EIF3H: variants seen among roughly 807,000 people sequenced by gnomAD.
EIF3H encodes the protein eIF-3-gamma.
A neutral mutation model predicts 44.2 loss-of-function variants in EIF3H; 26 were observed. The ratio of observed to expected loss-of-function variants is 0.59; its 90% CI spans 0.43 to 0.82. EIF3H has a LOEUF of 0.82. EIF3H is among the 40% of genes least tolerant of loss of function. The probability of loss-of-function intolerance (pLI) is 0.00; values close to 1 mark genes in which losing one functional copy is unlikely to be tolerated. For synonymous variants in EIF3H, 166 were observed against 151.9 expected, an observed-to-expected ratio of 1.09 and a Z score of -0.68; for missense variants, 359 against 432.8, an observed-to-expected ratio of 0.83 and a Z score of 1.51.
At chr8:116,698,558 G>A (rs1300626807) in intron 2 of EIF3H, among the ~76,000 whole-genome samples, 3 of 152,264 alleles carry the variant, frequency 2.0e-5, no homozygotes, top group Non-Finnish European at 4.4e-5. Context: ...CCAAACTCCT[G>A]ACCAAAATGA....
chr8:116,762,770 C>T (rs1040075850), intron 1 of EIF3H, among the ~76,000 whole-genome samples: 4 of 152,112 alleles, frequency 2.6e-5, no homozygotes, highest in Non-Finnish European at 4.4e-5. Flanking sequence ...TAGTGAAACC[C>T]GGTCCCTACT....
At chr8:116,699,116 C>T (rs1297806263) in intron 2 of EIF3H, among the ~76,000 whole-genome samples, 1 of 146,080 alleles carries the variant, frequency 6.8e-6, no homozygotes, top group African/African-American at 2.6e-5. Context: ...GCCCCAGCAA[C>T]AGAGCTGGAA....
At chr8:116,656,790 A>G (rs912687284) in intron 4 of EIF3H, among the ~76,000 whole-genome samples, 6 of 152,184 alleles carry the variant, frequency 3.9e-5, no homozygotes, top group Admixed American at 2.6e-4. Context: ...AAAATTTCCA[A>G]TAAGCCACAT....
chr8:116,761,794 T>C (rs1329767049), intron 1 of EIF3H, among the ~76,000 whole-genome samples: 1 of 152,222 alleles, frequency 6.6e-6, no homozygotes, highest in African/African-American at 2.4e-5. Flanking sequence ...TCATTTGACC[T>C]GAAAGAAGAG....
intron 6 of EIF3H, among the ~76,000 whole-genome samples, chr8:116,647,414 T>G (rs117167182): frequency 0.011 from 1,670 of 152,380 alleles, 7 homozygotes; most frequent in African/African-American, 0.016. Flanking sequence ...GTTACTATTC[T>G]TAACAGATAA....
intron 2 of EIF3H, 54 bp downstream of exon 2, chr8:116,725,962 G>T (rs1586478918): frequency 6.4e-7 from 1 of 1,564,620 alleles, no homozygotes; most frequent in Non-Finnish European, 8.7e-7. Context: ...TGAGACCTGT[G>T]TCAATATCCA....
intron 1 of EIF3H, among the ~76,000 whole-genome samples, chr8:116,735,950 A>G (rs913980860): frequency 1.3e-5 from 2 of 152,162 alleles, no homozygotes; most frequent in Admixed American, 6.5e-5. Flanking sequence ...GTGGCATCAT[A>G]TCAGCGCTGA....
intron 2 of EIF3H, among the ~76,000 whole-genome samples, chr8:116,707,655 C>A (rs1814493759): frequency 6.6e-6 from 1 of 152,122 alleles, no homozygotes; most frequent in Non-Finnish European, 1.5e-5. Context: ...TAGTGTTCAT[C>A]TTTTCATTCT....
chr8:116,754,695 G>A (rs963680550), intron 1 of EIF3H, among the ~76,000 whole-genome samples: 1 of 152,242 alleles, frequency 6.6e-6, no homozygotes, highest in East Asian at 1.9e-4. Flanking sequence ...TTAAGTGGAA[G>A]AGCCTAGAAG....
At chr8:116,658,758 C>T in intron 3 of EIF3H, 55 bp downstream of exon 3, 5 of 1,564,844 alleles carry the variant, frequency 3.2e-6, no homozygotes, top group Non-Finnish European at 3.5e-6. Flanking sequence ...GGACAGAAAG[C>T]AAAAATAGTA....
At chr8:116,659,093 G>A in intron 2 of EIF3H, 113 bp from the exon 3 acceptor site, 2 of 849,092 alleles carry the variant, frequency 2.4e-6, no homozygotes, top group Non-Finnish European at 3.4e-6. Flanking sequence ...TTAGCAATAG[G>A]GAACAGGATT....
chr8:116,745,895 C>T (rs927957234), intron 1 of EIF3H, among the ~76,000 whole-genome samples: 9 of 151,300 alleles, frequency 5.9e-5, no homozygotes, highest in African/African-American at 1.2e-4. Flanking sequence ...CACCCCAGCC[C>T]GGTCGACAGA....
intron 2 of EIF3H, among the ~76,000 whole-genome samples, chr8:116,666,705 T>G (rs2130808324): frequency 8.3e-6 from 1 of 120,700 alleles, no homozygotes; most frequent in African/African-American, 3.3e-5. Context: ...TTGCTACAAT[T>G]AAGAGCATGG....
At chr8:116,697,135 C>T (rs1383834269) in intron 2 of EIF3H, 2 of 456,158 alleles carry the variant, frequency 4.4e-6, no homozygotes, top group Non-Finnish European at 8.8e-6. Flanking sequence ...TAGTGTCCAA[C>T]CAAATTCTGC....
At position 116,697,691 on chromosome 8, in the gene EIF3H, A is replaced by C. The variant is rs1471959865; in HGVS notation, c.289+28325T>G. On this transcript the variant is annotated intron_variant, in intron 2 of 7. Coordinates refer to ENST00000521861, the MANE Select transcript of EIF3H (RefSeq NM_003756.3). Reference sequence around the variant, plus strand: ...GTTTATGTTTCTTCCCTGAGGGCCTAAACTTTTATTTGTTCTTATTAAATA... The same window carrying C: ...GTTTATGTTTCTTCCCTGAGGGCCTCAACTTTTATTTGTTCTTATTAAATA... Among the ~76,000 whole-genome samples the C allele has an allele frequency of 2.0e-5, 3 of 152,206 alleles. No homozygotes were observed. The East Asian group carries it at 5.8e-4, about 29-fold the overall frequency.
rs1813484132 is a variant in EIF3H, at chr8:116,656,064, T to TAC, written c.558-61_558-60dup. ...GGTCAAAAGTAAGTGCTAAACTGACTACTTCATAAAATTTACCTAATTACA... is the reference window on the plus strand; with the variant it reads ...GGTCAAAAGTAAGTGCTAAACTGACTACACTTCATAAAATTTACCTAATTACA... On this transcript the variant is annotated intron_variant, in intron 4 of 7. Coordinates refer to ENST00000521861, the MANE Select transcript of EIF3H (RefSeq NM_003756.3). 5 of 1,528,896 alleles carry TAC rather than the reference T, an allele frequency of 3.3e-6. No individual in the cohort carries two copies. The East Asian group carries it at 1.1e-4, about 35-fold the overall frequency. 94.7% of individuals were successfully genotyped at this position (1,528,896 alleles called of 1,614,324 possible). A position where few individuals can be genotyped will look rare whatever the true frequency, so the allele number is the denominator to read the frequency against.
chr8:116,749,444 A>G (rs1171629090), intron 1 of EIF3H, among the ~76,000 whole-genome samples: 2 of 152,348 alleles, frequency 1.3e-5, no homozygotes, highest in East Asian at 1.9e-4. Context: ...AGTGTAGCCA[A>G]CATTGCTCAT....
rs536883442 is a variant in EIF3H, at chr8:116,650,978, G to A, written c.708-2052C>T. Among the ~76,000 whole-genome samples the A allele has an allele frequency of 4.2e-4, 64 of 152,306 alleles. 1 individual carries two copies. In the South Asian group the frequency reaches 0.012, roughly 29 times the overall value. ...CAGAATAGGCAAATCTGTAGAGATA[G>A]AAAGTGACTAGAGGCTGCCAGGGGT... is the stretch of plus-strand genomic sequence containing the variant. On this transcript the variant is annotated intron_variant, in intron 5 of 7. Coordinates refer to ENST00000521861, the MANE Select transcript of EIF3H (RefSeq NM_003756.3).
chr8:116,644,988 T>C lies in EIF3H; in HGVS notation c.*18A>G. 1.2e-6 allele frequency: 2 copies of C among 1,601,750 alleles called. No homozygotes were observed. Among genetic ancestry groups the C allele is most frequent in the Non-Finnish European group, 1.7e-6 (2 of 1,169,346 alleles). On this transcript the variant is annotated 3_prime_UTR_variant, in exon 8 of 8. Transcript: ENST00000521861. Reference sequence around the variant, plus strand: ...TTCAAGAGTTCATGTTAACTTCTTTTCTGGAAACTTCCTTTTCTTAGTTGT... The same window carrying C: ...TTCAAGAGTTCATGTTAACTTCTTTCCTGGAAACTTCCTTTTCTTAGTTGT...
Sources: allele counts gnomAD v4.1 joint callset (sites outside exome capture counted in the v4.1 genomes callset), GRCh38; gene constraint gnomAD v4.1.1; transcripts MANE v1.5; gene names NCBI Gene and HGNC (gene_info 2026-07-23, HGNC 2026-07-21).